HMCN1: variants seen among roughly 807,000 people sequenced by gnomAD.
HMCN1 encodes hemicentin-1.
HMCN1 carries 321 observed loss-of-function variants against 625.9 expected under a neutral mutation model. The ratio of observed to expected loss-of-function variants is 0.51; its 90% confidence interval spans 0.47 to 0.56. The LOEUF is 0.56. Among genes scored for constraint, HMCN1 ranks in the 20% least tolerant of loss-of-function variants. The pLI, the probability that HMCN1 is intolerant of heterozygous loss-of-function variation, is 0.00. For synonymous variants in HMCN1, 2,425 were observed against 2,417.6 expected (o/e 1.00, Z -0.09); for missense variants, 6,588 against 6,887.3 (o/e 0.96, Z 1.54).
intron 75 of HMCN1, 90 bp downstream of exon 75, chr1:186,115,504 A>G (rs1237271969): frequency 6.7e-6 from 8 of 1,192,228 alleles, no homozygotes; most frequent in African/African-American, 1.5e-5. Context: ...CAGCAAATAT[A>G]TAGACTATAA....
At chr1:185,933,963 A>G (rs536925432) in intron 11 of HMCN1, 139 bp downstream of exon 11, 4 of 798,944 alleles carry the variant, frequency 5.0e-6, no homozygotes, top group South Asian at 4.2e-5. Context: ...AATGCTTAAC[A>G]TACTCAGTGG....
chr1:185,851,576 A>G (rs1294908254), intron 2 of HMCN1, among the ~76,000 whole-genome samples: 1 of 152,160 alleles, frequency 6.6e-6, no homozygotes, highest in Non-Finnish European at 1.5e-5. Flanking sequence ...GAAAAGAAGG[A>G]AAGACAAATG....
Position 186,189,604 on chromosome 1 carries a change from T to G in HMCN1, c.16634T>G (p.Ile5545Arg). The G allele has an allele frequency of 1.9e-6, 3 of 1,613,528 alleles. No homozygotes were observed. The South Asian group carries it at 3.3e-5, about 18-fold the overall frequency. Reference protein sequence around the residue: ...EYKLVSLPFGIATNQDLIRLV... With the variant: ...EYKLVSLPFGRATNQDLIRLV... The stretch of plus-strand genomic sequence containing the variant: ...AAACTCGTCTCCCTCCCATTTGGAA[T>G]AGCCACCAATCAAGATTTAATCCGG... Residue 5545 changes from isoleucine (I) to arginine (R), a missense_variant, in exon 107 of 107, where the codon ATA becomes AGA. Physicochemically the swap from Ile to Arg is moderately conservative, Grantham distance 97. Around this residue, in one of 3 missense-constraint regions of HMCN1, gnomAD observed 1,954 missense variants for 2,013.1 expected, o/e 0.97. Transcript: ENST00000271588.
chr1:185,979,490 T>C (rs1651468537), intron 16 of HMCN1, among the ~76,000 whole-genome samples: 1 of 152,214 alleles, frequency 6.6e-6, no homozygotes, highest in Non-Finnish European at 1.5e-5. Context: ...AACAGTTGCC[T>C]AATTGTCGAA....
chr1:186,024,167 A>G (rs532431025), intron 36 of HMCN1, among the ~76,000 whole-genome samples: 1 of 152,240 alleles, frequency 6.6e-6, no homozygotes, highest in South Asian at 2.1e-4. Flanking sequence ...GTGGGTCTTT[A>G]TTCTTTCACT....
intron 4 of HMCN1, among the ~76,000 whole-genome samples, chr1:185,877,371 T>C (rs922457614): frequency 6.9e-6 from 1 of 145,822 alleles, no homozygotes; most frequent in Non-Finnish European, 1.5e-5. Context: ...ATGCTCGCCT[T>C]GTTGTATAAT....
At chr1:186,049,591 A>G (rs1230754773) in intron 42 of HMCN1, among the ~76,000 whole-genome samples, 2 of 152,108 alleles carry the variant, frequency 1.3e-5, no homozygotes, top group African/African-American at 4.8e-5. Flanking sequence ...TCCTATTTCC[A>G]GTACATTCAC....
chr1:185,811,340 TCTC>T (rs2102245916), intron 1 of HMCN1, among the ~76,000 whole-genome samples: 1 of 152,140 alleles, frequency 6.6e-6, no homozygotes, highest in African/African-American at 2.4e-5. Context: ...TATGTACTGT[TCTC>T]CACATCACAG....
At chr1:185,953,480 CTACCAGAAAA>C (rs1262725851) in intron 11 of HMCN1, among the ~76,000 whole-genome samples, 3 of 151,806 alleles carry the variant, frequency 2.0e-5, no homozygotes, top group South Asian at 2.1e-4. Context: ...TCCTTTGTCT[CTACCAGAAAA>C]TACCAGAAAA....
intron 1 of HMCN1, among the ~76,000 whole-genome samples, chr1:185,793,816 A>G (rs1179403515): frequency 6.6e-6 from 1 of 152,246 alleles, no homozygotes; most frequent in East Asian, 1.9e-4. Context: ...CTTCCCTTGG[A>G]GGTAAAAGTC....
chr1:185,773,453 T>C (rs976867634), intron 1 of HMCN1, among the ~76,000 whole-genome samples: 1 of 152,208 alleles, frequency 6.6e-6, no homozygotes, highest in African/African-American at 2.4e-5. Flanking sequence ...ATACACTTAT[T>C]GTTATTGATG....
intron 36 of HMCN1, among the ~76,000 whole-genome samples, chr1:186,035,836 C>T (rs1655782296): frequency 6.6e-6 from 1 of 152,078 alleles, no homozygotes; most frequent in Non-Finnish European, 1.5e-5. Context: ...TTGGTAATTA[C>T]AAATCCCCAA....
intron 6 of HMCN1, among the ~76,000 whole-genome samples, chr1:185,921,631 A>G (rs761759539): frequency 6.6e-6 from 1 of 151,998 alleles, no homozygotes; most frequent in Non-Finnish European, 1.5e-5. Context: ...AGTTGTGTGA[A>G]TTTTTTCTTT....
rs191086329 is a variant in HMCN1 at position 185,837,747 on chromosome 1, T to C, written c.269-8279T>C. ...TGTCATGATAAACCTGGAACAAACA[T>C]ACTATTTTAGGATAATACAGTAAAT... On this transcript the variant is annotated intron_variant, in intron 1 of 106. Transcript: ENST00000271588. Among the ~76,000 whole-genome samples, 9 of 152,316 alleles carry C rather than the reference T, an allele frequency of 5.9e-5. No individual in the cohort carries two copies. The East Asian group carries it at 1.7e-3, about 29-fold the overall frequency.
intron 85 of HMCN1, among the ~76,000 whole-genome samples, chr1:186,131,263 A>G (rs1179965993): frequency 6.6e-6 from 1 of 152,168 alleles, no homozygotes; most frequent in Non-Finnish European, 1.5e-5. Context: ...TACCCAATCC[A>G]GTGGACCAGT....
intron 15 of HMCN1, among the ~76,000 whole-genome samples, chr1:185,976,894 C>T (rs1312409463): frequency 6.6e-6 from 1 of 152,198 alleles, no homozygotes; most frequent in East Asian, 1.9e-4. Context: ...CATCCATTGC[C>T]TCCAAAAGTA....
intron 2 of HMCN1, among the ~76,000 whole-genome samples, chr1:185,854,167 G>T (rs771054545): frequency 6.2e-4 from 95 of 152,272 alleles, no homozygotes; most frequent in Non-Finnish European, 9.9e-4. Flanking sequence ...AGAGTTGCTA[G>T]CAGCTGCAGC....
Position 185,990,256 on chromosome 1 carries a change from A to G in HMCN1, c.3209-19A>G, listed in dbSNP as rs766402304. On this transcript the variant is annotated intron_variant, in intron 21 of 106. Transcript: ENST00000271588. ...TTTTCAATATACTGTTTCCCTTCCA[A>G]AACATGTGTTTATTTTAGTAAGGCC... 1 of 1,611,304 alleles carries G rather than the reference A, an allele frequency of 6.2e-7. No homozygotes were observed. The highest frequency in any genetic ancestry group is 1.1e-5 in the South Asian group (1 of 91,028).
rs1253360365 is a variant in HMCN1 at position 186,136,867 on chromosome 1, C to T, written c.13512C>T (p.Thr4504=). Reference sequence around the variant, plus strand: ...TTGCTGATGCTCAGAAAGAAGATACCTCTGAATTTGAATGTGTTGCTCGAA... The same window carrying T: ...TTGCTGATGCTCAGAAAGAAGATACTTCTGAATTTGAATGTGTTGCTCGAA... ...LYIADAQKED[T]SEFECVARNL... Residue 4504 remains threonine, a synonymous_variant, in exon 87 of 107, where the codon ACC becomes ACT. Transcript: ENST00000271588. The T allele has an allele frequency of 2.5e-6, 4 of 1,613,980 alleles. No individual in the cohort carries two copies. The highest frequency in any genetic ancestry group is 3.3e-5 in the Admixed American group (2 of 59,990).
Sources: allele counts gnomAD v4.1 joint callset (sites outside exome capture counted in the v4.1 genomes callset), GRCh38; gene constraint gnomAD v4.1.1; regional missense constraint gnomAD v4.1.1; transcripts MANE v1.5; gene names NCBI Gene and HGNC (gene_info 2026-07-23, HGNC 2026-07-21).